Variants in ZNF385D observed in about 807,000 individuals in gnomAD.
The protein encoded by ZNF385D is zinc finger protein 659.
In ZNF385D, 15 loss-of-function variants were observed where a neutral mutation model predicts 35.8. That is an observed-to-expected ratio of 0.42 (90% CI 0.28 to 0.64). The LOEUF is 0.64. Ranked by LOEUF, ZNF385D falls within the 30% of genes least tolerant of loss-of-function variation. ZNF385D has a pLI of 0.23. For missense variants in ZNF385D, 474 were observed against 494.6 expected (o/e 0.96, Z 0.39); for synonymous variants, 212 against 186.8 (o/e 1.13, Z -1.10).
chr3:21,677,707 A>G (rs891079504), intron 1 of ZNF385D, among the ~76,000 whole-genome samples: 1 of 152,066 alleles, frequency 6.6e-6, no homozygotes, highest in Non-Finnish European at 1.5e-5. Context: ...TCAAATAATA[A>G]TAACCAGTAA....
intron 3 of ZNF385D, among the ~76,000 whole-genome samples, chr3:22,123,091 G>T (rs1476837818): frequency 6.6e-6 from 1 of 152,148 alleles, no homozygotes; most frequent in East Asian, 1.9e-4. Context: ...TGTTCTGATA[G>T]AAACACTCTG....
In ZNF385D at chr3:21,943,019, T is replaced by C. The variant is rs562777757; in HGVS notation, c.325+225798A>G. Among the ~76,000 whole-genome samples, 17 of 152,112 alleles carry C rather than the reference T, an allele frequency of 1.1e-4. 1 individual carries two copies. The highest frequency in any genetic ancestry group is 2.1e-4 in the South Asian group (1 of 4,824). On this transcript the variant is annotated intron_variant, in intron 3 of 5. Coordinates refer to the ZNF385D transcript ENST00000494108. ...TGGTTAAGAACTTATAAATGTAATATTACTTCACATAAGAACTCATACTTC... is the reference window on the plus strand; with the variant it reads ...TGGTTAAGAACTTATAAATGTAATACTACTTCACATAAGAACTCATACTTC...
At chr3:21,508,240 T>A (rs539086885) in intron 4 of ZNF385D, among the ~76,000 whole-genome samples, 1 of 152,314 alleles carries the variant, frequency 6.6e-6, no homozygotes, top group South Asian at 2.1e-4. Context: ...GGCATGTTTA[T>A]GTTATCTTCA....
intron 3 of ZNF385D, among the ~76,000 whole-genome samples, chr3:21,806,347 G>T (rs1410688613): frequency 6.6e-6 from 1 of 151,974 alleles, no homozygotes; most frequent in Non-Finnish European, 1.5e-5. Flanking sequence ...TGGGACTACA[G>T]GCGCCTGTCA....
intron 3 of ZNF385D, among the ~76,000 whole-genome samples, chr3:21,991,628 G>T (rs1411866796): frequency 6.6e-6 from 1 of 152,158 alleles, no homozygotes; most frequent in Admixed American, 6.5e-5. Context: ...ATAAGACAAA[G>T]AACTGTATTA....
intron 2 of ZNF385D, among the ~76,000 whole-genome samples, chr3:22,224,655 A>C (rs138832408): frequency 7.0e-4 from 107 of 152,290 alleles, no homozygotes; most frequent in African/African-American, 2.4e-3. Context: ...AAGGTGAGAC[A>C]ATCTTTTGTC....
At chr3:21,964,700 C>T (rs2127524) in intron 3 of ZNF385D, among the ~76,000 whole-genome samples, 1 of 151,360 alleles carries the variant, frequency 6.6e-6, no homozygotes, top group Admixed American at 6.6e-5. Flanking sequence ...CCATGTTGGC[C>T]AGGCTGGTCT....
intron 3 of ZNF385D, among the ~76,000 whole-genome samples, chr3:22,030,296 T>TATCCTATTTG (rs1553591384): frequency 1.0e-4 from 10 of 100,196 alleles, no homozygotes; most frequent in African/African-American, 3.4e-4. Context: ...TATATATATA[T>TATCCTATTTG]ATATATCCTA....
chr3:22,269,972 A>C (rs1701091678), intron 2 of ZNF385D, among the ~76,000 whole-genome samples: 1 of 151,792 alleles, frequency 6.6e-6, no homozygotes, highest in Admixed American at 6.6e-5. Context: ...GTATAGCAGC[A>C]CTTCTCAGAC....
chr3:22,342,580 C>T (rs1328629764), intron 2 of ZNF385D, among the ~76,000 whole-genome samples: 2 of 152,082 alleles, frequency 1.3e-5, no homozygotes, highest in Non-Finnish European at 2.9e-5. Flanking sequence ...ACCCAAAGAA[C>T]ACATCTCTGC....
chr3:22,368,167 C>T (rs1470137647), intron 2 of ZNF385D, among the ~76,000 whole-genome samples: 1 of 152,148 alleles, frequency 6.6e-6, no homozygotes, highest in Admixed American at 6.5e-5. Flanking sequence ...GTTAGGATGA[C>T]ATTATAGGTA....
At chr3:22,045,698 C>T (rs146001610) in intron 3 of ZNF385D, among the ~76,000 whole-genome samples, 78 of 151,960 alleles carry the variant, frequency 5.1e-4, no homozygotes, top group African/African-American at 1.7e-3. Context: ...TAATCACTTT[C>T]GAGTATTATT....
intron 2 of ZNF385D, among the ~76,000 whole-genome samples, chr3:22,360,521 ATATAT>A (rs1479137579): frequency 2.6e-5 from 4 of 151,944 alleles, no homozygotes; most frequent in Non-Finnish European, 1.5e-5. Context: ...AATTTTAATA[ATATAT>A]TAATTTTATC....
At chr3:22,029,214 C>A (rs547524848) in intron 3 of ZNF385D, among the ~76,000 whole-genome samples, 2 of 152,258 alleles carry the variant, frequency 1.3e-5, no homozygotes, top group African/African-American at 4.8e-5. Flanking sequence ...AAGGGAGTTA[C>A]AGTGTTGGTT....
chr3:21,530,227 T>C (rs781735183), intron 3 of ZNF385D, among the ~76,000 whole-genome samples: 3 of 152,164 alleles, frequency 2.0e-5, no homozygotes, highest in Non-Finnish European at 4.4e-5. Flanking sequence ...TCCTCAGAAC[T>C]GTAAGCTAAA....
At chr3:21,869,508 G>A (rs1043932473) in intron 3 of ZNF385D, among the ~76,000 whole-genome samples, 24 of 152,046 alleles carry the variant, frequency 1.6e-4, no homozygotes, top group African/African-American at 5.1e-4. Flanking sequence ...GCTGCTGAGA[G>A]CAGAAGGTCA....
At position 22,324,582 on chromosome 3, in the gene ZNF385D, T is replaced by C. The variant is rs115847396; in HGVS notation, c.106+47868A>G. On this transcript the variant is annotated intron_variant, in intron 2 of 5. Coordinates refer to the ZNF385D transcript ENST00000494108. ...AGATATTTCATTATCCTATGAGCATTTTCAGCATGCTAAAGATTTCAGTAT... is the reference window on the plus strand; with the variant it reads ...AGATATTTCATTATCCTATGAGCATCTTCAGCATGCTAAAGATTTCAGTAT... 1.4e-3 allele frequency among the ~76,000 whole-genome samples: 214 copies of C among 152,282 alleles called. 3 individuals carry two copies. Among genetic ancestry groups the C allele is most frequent in the African/African-American group, 5.0e-3 (209 of 41,562 alleles).
At chr3:21,921,544 G>C (rs1403197716) in intron 3 of ZNF385D, among the ~76,000 whole-genome samples, 1 of 151,884 alleles carries the variant, frequency 6.6e-6, no homozygotes, top group Non-Finnish European at 1.5e-5. Context: ...GCAATCAATA[G>C]AATCTATGTT....
At chr3:22,008,991 C>A (rs553204975) in intron 3 of ZNF385D, among the ~76,000 whole-genome samples, 1 of 151,998 alleles carries the variant, frequency 6.6e-6, no homozygotes, top group South Asian at 2.1e-4. Flanking sequence ...AACAAAACAA[C>A]AGGAATCAAA....
Sources: allele counts gnomAD v4.1 joint callset (sites outside exome capture counted in the v4.1 genomes callset), GRCh38; gene constraint gnomAD v4.1.1; transcripts MANE v1.5; gene names NCBI Gene and HGNC (gene_info 2026-07-23, HGNC 2026-07-21).